Variants in GRM7 observed in about 807,000 individuals in gnomAD.
GRM7 encodes glutamate metabotropic receptor 7, also known as metabotropic glutamate receptor 7.
In GRM7, 35 loss-of-function variants were observed where a neutral mutation model predicts 84.5. The observed-to-expected ratio is 0.41, with a 90% CI of 0.32 to 0.55. GRM7 has a LOEUF of 0.55. GRM7 is among the 20% of genes least tolerant of loss of function. The pLI, the probability that GRM7 is intolerant of heterozygous loss-of-function variation, is 0.19. For synonymous variants in GRM7, 487 were observed against 455.1 expected, an observed-to-expected ratio of 1.07 and a Z score of -0.89; for missense variants, 1,003 against 1,194.6, an observed-to-expected ratio of 0.84 and a Z score of 2.36.
intron 6 of GRM7, among the ~76,000 whole-genome samples, chr3:7,460,013 G>A (rs1435435165): frequency 6.9e-6 from 1 of 145,006 alleles, no homozygotes; most frequent in Admixed American, 7.2e-5. Flanking sequence ...AGGATGAGAT[G>A]GATACCGAGG....
At chr3:6,981,230 C>T (rs911701785) in intron 1 of GRM7, among the ~76,000 whole-genome samples, 2 of 152,152 alleles carry the variant, frequency 1.3e-5, no homozygotes, top group African/African-American at 2.4e-5. Flanking sequence ...TTTAGATATG[C>T]TCTTATAAAG....
At chr3:7,095,024 T>C (rs909936298) in intron 1 of GRM7, among the ~76,000 whole-genome samples, 5 of 151,952 alleles carry the variant, frequency 3.3e-5, no homozygotes, top group African/African-American at 1.2e-4. Flanking sequence ...CCCATCCCTG[T>C]TGCATTAATT....
chr3:7,715,221 G>C (rs1701731854), intron 9 of GRM7, among the ~76,000 whole-genome samples: 1 of 152,094 alleles, frequency 6.6e-6, no homozygotes, highest in Non-Finnish European at 1.5e-5. Flanking sequence ...ATACTTCAGG[G>C]GGGCAAGGGT....
intron 1 of GRM7, among the ~76,000 whole-genome samples, chr3:7,031,680 C>G (rs1464966953): frequency 6.6e-6 from 1 of 151,994 alleles, no homozygotes; most frequent in East Asian, 1.9e-4. Flanking sequence ...TTTTATTATA[C>G]TTGTCATTGC....
intron 1 of GRM7, among the ~76,000 whole-genome samples, chr3:6,876,266 TC>T: frequency 6.7e-6 from 1 of 149,792 alleles, no homozygotes; most frequent in South Asian, 2.1e-4. Context: ...AGGCTCCATC[TC>T]AAAAAAAAAA....
At chr3:7,678,903 C>A (rs1700246581) in intron 8 of GRM7, among the ~76,000 whole-genome samples, 1 of 152,158 alleles carries the variant, frequency 6.6e-6, no homozygotes, top group South Asian at 2.1e-4. Context: ...GTCCATTAGA[C>A]AAACACATGA....
chr3:7,308,110 A>G (rs1700258713), intron 4 of GRM7, among the ~76,000 whole-genome samples: 1 of 152,214 alleles, frequency 6.6e-6, no homozygotes, highest in African/African-American at 2.4e-5. Flanking sequence ...TTCATTCTGC[A>G]GCACTGTCCT....
chr3:7,072,676 G>T (rs1380248333), intron 1 of GRM7, among the ~76,000 whole-genome samples: 1 of 151,888 alleles, frequency 6.6e-6, no homozygotes. Context: ...GACAGACTGA[G>T]ACCCTGTCTC....
intron 8 of GRM7, among the ~76,000 whole-genome samples, chr3:7,586,473 G>A (rs772556976): frequency 5.9e-4 from 90 of 152,112 alleles, no homozygotes; most frequent in Non-Finnish European, 1.2e-3. Context: ...ACAAACTGGG[G>A]TGGGTTTATC....
At chr3:7,139,078 AT>A (rs1282413740) in intron 1 of GRM7, among the ~76,000 whole-genome samples, 1 of 147,600 alleles carries the variant, frequency 6.8e-6, no homozygotes, top group Non-Finnish European at 1.5e-5. Flanking sequence ...ATAATATTAT[AT>A]AATGTACTAT....
intron 1 of GRM7, among the ~76,000 whole-genome samples, chr3:7,007,186 G>A (rs533041635): frequency 1.3e-5 from 2 of 152,116 alleles, no homozygotes; most frequent in African/African-American, 4.8e-5. Flanking sequence ...TTTTGGCTCT[G>A]CCATTTAACA....
At chr3:7,483,926 A>G (rs1420686500) in intron 7 of GRM7, among the ~76,000 whole-genome samples, 2 of 152,184 alleles carry the variant, frequency 1.3e-5, no homozygotes, top group African/African-American at 4.8e-5. Context: ...TCACATTAAA[A>G]GAAAAAAGTG....
At chr3:7,668,958 C>T (rs1160910164) in intron 8 of GRM7, among the ~76,000 whole-genome samples, 1 of 152,226 alleles carries the variant, frequency 6.6e-6, no homozygotes, top group Non-Finnish European at 1.5e-5. Context: ...TGGTTCTCTA[C>T]CTATTATATG....
At chr3:7,487,737 G>A (rs1171462720) in intron 7 of GRM7, among the ~76,000 whole-genome samples, 3 of 152,222 alleles carry the variant, frequency 2.0e-5, no homozygotes, top group African/African-American at 4.8e-5. Flanking sequence ...AAGACTGGGG[G>A]CCCAGGCAGA....
chr3:6,978,250 T>A (rs781387), intron 1 of GRM7, among the ~76,000 whole-genome samples: 125,611 of 151,928 alleles, frequency 0.83, 52,179 homozygotes, highest in African/African-American at 0.91. Context: ...TATGCAGCAG[T>A]AGCTGGGGAG....
At chr3:7,208,264 T>G (rs571791540) in intron 2 of GRM7, among the ~76,000 whole-genome samples, 11 of 152,224 alleles carry the variant, frequency 7.2e-5, no homozygotes, top group Admixed American at 5.2e-4. Flanking sequence ...AGAATAGATA[T>G]GGACCTGGCC....
intron 7 of GRM7, among the ~76,000 whole-genome samples, chr3:7,489,041 T>C (rs374661422): frequency 6.6e-6 from 1 of 152,124 alleles, no homozygotes; most frequent in African/African-American, 2.4e-5. Context: ...GTGCAGGTGT[T>C]GCTTTGAATA....
Position 7,064,479 on chromosome 3 carries a change from T to TATATATATATATATATATACACACAC in GRM7, c.520-81972_520-81971insTATATATATATATATATACACACACA. On this transcript the variant is annotated intron_variant, in intron 1 of 9. Coordinates refer to ENST00000357716, the MANE Select transcript of GRM7 (RefSeq NM_000844.4). ...ATATATATACATATATATATATATA[T>TATATATATATATATATATACACACAC]ACACACATATACATATATATATACA... Among the ~76,000 whole-genome samples, 52 of 99,380 alleles carry TATATATATATATATATATACACACAC rather than the reference T, an allele frequency of 5.2e-4. 1 individual carries two copies. The highest frequency in any genetic ancestry group is 4.4e-3 in the East Asian group (17 of 3,834). 65.2% of individuals were successfully genotyped at this position (99,380 alleles called of 152,430 possible).
chr3:7,309,055 A>T (rs886879499), intron 4 of GRM7, among the ~76,000 whole-genome samples: 3 of 152,216 alleles, frequency 2.0e-5, no homozygotes, highest in African/African-American at 7.2e-5. Context: ...GCAAGAGTTC[A>T]TATGAAATTT....
Sources: gnomAD v4.1 joint callset for allele counts (sites outside exome capture counted in the v4.1 genomes callset) on GRCh38, gnomAD v4.1.1 for gene constraint, MANE v1.5 for transcripts, NCBI Gene and HGNC (gene_info 2026-07-23, HGNC 2026-07-21) for gene names.